The following TRAPPC9 variants were observed in gnomAD, a reference collection of about 807,000 sequenced individuals.
The protein encoded by TRAPPC9 is trafficking protein particle complex subunit 9.
Under a neutral mutation model 124.0 loss-of-function variants are expected in TRAPPC9, and 83 were observed. That is an observed-to-expected ratio of 0.67 (90% CI 0.56 to 0.80). TRAPPC9 has a LOEUF of 0.80. Among genes scored for constraint, TRAPPC9 ranks in the 30% least tolerant of loss-of-function variants. The pLI is 0.00. For missense variants in TRAPPC9, 1,302 were observed against 1,508.3 expected (o/e 0.86, Z 2.27); for synonymous variants, 638 against 617.5 (o/e 1.03, Z -0.49).
At chr8:140,243,523 C>G (rs1386924433) in intron 16 of TRAPPC9, among the ~76,000 whole-genome samples, 1 of 152,166 alleles carries the variant, frequency 6.6e-6, no homozygotes, top group Non-Finnish European at 1.5e-5. Context: ...AGTGGGAGAG[C>G]CCTATGATAC....
intron 4 of TRAPPC9, 103 bp downstream of exon 4, chr8:140,435,008 GT>G: frequency 6.5e-7 from 1 of 1,536,108 alleles, no homozygotes; most frequent in Non-Finnish European, 8.8e-7. Context: ...AGATTTTACA[GT>G]TTATTTAAAT....
intron 17 of TRAPPC9, among the ~76,000 whole-genome samples, chr8:140,088,403 A>G (rs1844341194): frequency 6.6e-6 from 1 of 152,248 alleles, no homozygotes; most frequent in South Asian, 2.1e-4. Context: ...AGAGATAAAC[A>G]AGAACAAACT....
chr8:140,007,611 G>T (rs1179760137), intron 18 of TRAPPC9, among the ~76,000 whole-genome samples: 2 of 152,084 alleles, frequency 1.3e-5, no homozygotes, highest in Non-Finnish European at 2.9e-5. Context: ...AAGAAACTCT[G>T]ACTAATTGAT....
intron 17 of TRAPPC9, among the ~76,000 whole-genome samples, chr8:140,033,994 T>C (rs1840721462): frequency 6.6e-6 from 1 of 152,218 alleles, no homozygotes; most frequent in African/African-American, 2.4e-5. Context: ...TTATGTTCTC[T>C]TATTAACCTT....
chr8:140,385,710 G>A (rs1220942565), intron 7 of TRAPPC9, among the ~76,000 whole-genome samples: 8 of 152,120 alleles, frequency 5.3e-5, no homozygotes, highest in Non-Finnish European at 7.4e-5. Context: ...AGGACCAGAC[G>A]GATTCACAGC....
At chr8:140,321,405 G>A (rs1198194222) in intron 9 of TRAPPC9, among the ~76,000 whole-genome samples, 1 of 152,226 alleles carries the variant, frequency 6.6e-6, no homozygotes, top group East Asian at 1.9e-4. Flanking sequence ...AAGCAGAGTT[G>A]CTGTTCAACT....
chr8:140,355,030 C>T (rs2067697005), intron 9 of TRAPPC9, among the ~76,000 whole-genome samples: 2 of 152,182 alleles, frequency 1.3e-5, no homozygotes, highest in African/African-American at 2.4e-5. Flanking sequence ...AGTTCTTCTC[C>T]TTTTAAACTA....
At chr8:139,887,082 G>C (rs1322341713) in intron 20 of TRAPPC9, among the ~76,000 whole-genome samples, 1 of 152,162 alleles carries the variant, frequency 6.6e-6, no homozygotes, top group Non-Finnish European at 1.5e-5. Context: ...ACAGAGGGCT[G>C]TCCAGACAAG....
chr8:139,770,904 C>T (rs764452634), intron 21 of TRAPPC9, among the ~76,000 whole-genome samples: 4 of 152,242 alleles, frequency 2.6e-5, no homozygotes, highest in South Asian at 4.2e-4. Flanking sequence ...GCCTGGCGGG[C>T]GTAGGGAAGA....
chr8:140,036,997 G>GC (rs1403913199), intron 17 of TRAPPC9, among the ~76,000 whole-genome samples: 2 of 150,948 alleles, frequency 1.3e-5, no homozygotes, highest in Admixed American at 1.3e-4. Flanking sequence ...CCCTCCCCTA[G>GC]CCCCCCACCC....
intron 17 of TRAPPC9, among the ~76,000 whole-genome samples, chr8:140,145,713 G>T (rs567017802): frequency 2.3e-4 from 35 of 150,460 alleles, no homozygotes; most frequent in African/African-American, 8.2e-4. Context: ...TTTTGTTTTT[G>T]TTTTTGTTTT....
intron 21 of TRAPPC9, among the ~76,000 whole-genome samples, chr8:139,859,134 C>T (rs1827979405): frequency 2.0e-5 from 3 of 151,822 alleles, no homozygotes; most frequent in African/African-American, 7.3e-5. Flanking sequence ...CCTCCAGCCC[C>T]CCGGTTTCTG....
At chr8:140,123,170 C>T (rs1265201662) in intron 17 of TRAPPC9, among the ~76,000 whole-genome samples, 2 of 151,748 alleles carry the variant, frequency 1.3e-5, no homozygotes, top group Non-Finnish European at 2.9e-5. Flanking sequence ...ACACCATCCA[C>T]CTTGTTGCTG....
upstream of TRAPPC9, chr8:140,458,399 C>A (rs2132762498): frequency 6.3e-7 from 1 of 1,597,732 alleles, no homozygotes; most frequent in South Asian, 1.1e-5. Context: ...CGGTACCCCC[C>A]GTGACTCCCA....
At chr8:139,780,594 G>A (rs541106923) in intron 21 of TRAPPC9, among the ~76,000 whole-genome samples, 1 of 152,060 alleles carries the variant, frequency 6.6e-6, no homozygotes, top group East Asian at 1.9e-4. Context: ...AACACAGGAG[G>A]AAATCTAGAT....
intron 19 of TRAPPC9, among the ~76,000 whole-genome samples, chr8:139,966,287 C>A (rs967774637): frequency 6.6e-6 from 1 of 152,204 alleles, no homozygotes; most frequent in Admixed American, 6.5e-5. Context: ...TCCCGGCACA[C>A]GGAGTGGTGG....
chr8:139,863,232 C>A (rs1828288077), intron 21 of TRAPPC9, among the ~76,000 whole-genome samples: 1 of 152,256 alleles, frequency 6.6e-6, no homozygotes, highest in South Asian at 2.1e-4. Context: ...GATGCACTAA[C>A]CCCACAGGCG....
At chr8:140,446,983 A>ACG (rs2071284630) in intron 2 of TRAPPC9, among the ~76,000 whole-genome samples, 1 of 152,210 alleles carries the variant, frequency 6.6e-6, no homozygotes, top group African/African-American at 2.4e-5. Flanking sequence ...CTCCAGCTCC[A>ACG]GCATTCCTTG....
intron 8 of TRAPPC9, among the ~76,000 whole-genome samples, chr8:140,368,495 G>T (rs1219279841): frequency 2.0e-5 from 3 of 152,094 alleles, no homozygotes; most frequent in Non-Finnish European, 4.4e-5. Context: ...ATAAAAACTG[G>T]GGATTTATAT....
Sources: allele counts gnomAD v4.1 joint callset (sites outside exome capture counted in the v4.1 genomes callset), GRCh38; gene constraint gnomAD v4.1.1; transcripts MANE v1.5; gene names NCBI Gene and HGNC (gene_info 2026-07-23, HGNC 2026-07-21).